Variants in ZNF766 observed in about 807,000 individuals in gnomAD.
ZNF766 encodes the protein zinc finger protein 766.
A neutral mutation model predicts 13.2 loss-of-function variants in ZNF766; 13 were observed. That is an observed-to-expected ratio of 0.98 (90% CI 0.64 to 1.56). The LOEUF (loss-of-function observed/expected upper bound fraction) is 1.56. Ranked by LOEUF, ZNF766 falls within the 40% of genes most tolerant of loss-of-function variation. ZNF766 has a pLI of 0.00. For synonymous variants in ZNF766, 178 were observed against 187.6 expected (o/e 0.95, Z 0.42); for missense variants, 521 against 552.2 (o/e 0.94, Z 0.57).
rs940732447 is a variant in ZNF766, at chr19:52,295,670, G to C, written c.*4472G>C. 1 of 152,118 alleles carries C rather than the reference G, an allele frequency of 6.6e-6. No individual in the cohort carries two copies. The highest frequency in any genetic ancestry group is 2.1e-4 in the South Asian group (1 of 4,828). The allele number at this position is 152,118 out of a possible 1,614,324, so 9.4% of individuals were successfully genotyped here. A position where few individuals can be genotyped will look rare whatever the true frequency, so the allele number is the denominator to read the frequency against. Reference sequence around the variant, plus strand: ...ATGCTTTCACTATATTAGAGGACTTGAAGTAACGTGAAGTGATTCCAACCC... The same window carrying C: ...ATGCTTTCACTATATTAGAGGACTTCAAGTAACGTGAAGTGATTCCAACCC... On this transcript the variant is annotated 3_prime_UTR_variant, in exon 4 of 4. Transcript: ENST00000439461.
intron 3 of ZNF766, among the ~76,000 whole-genome samples, chr19:52,285,708 T>C (rs1024359770): frequency 6.6e-6 from 1 of 152,186 alleles, no homozygotes; most frequent in African/African-American, 2.4e-5. Context: ...TCAGCATTCC[T>C]TCCCCCAGGG....
intron 3 of ZNF766, among the ~76,000 whole-genome samples, chr19:52,285,449 ATCT>A (rs1436701532): frequency 1.3e-5 from 2 of 152,168 alleles, no homozygotes; most frequent in Non-Finnish European, 2.9e-5. Context: ...CCACAATCCC[ATCT>A]TTGGGCCCAA....
At position 52,289,817 on chromosome 19, in the gene ZNF766, A is replaced by G. The variant is rs368649109; in HGVS notation, c.275-249A>G. The stretch of plus-strand genomic sequence containing the variant: ...AGATCGAGACCATCCTGGCTAACAC[A>G]GTGAAACCCCGTCTCTACTAAAAAT... On this transcript the variant is annotated intron_variant, in intron 3 of 3. Transcript: ENST00000439461. Among the ~76,000 whole-genome samples the G allele has an allele frequency of 1.3e-3, 197 of 152,114 alleles. 1 individual carries two copies. The highest frequency in any genetic ancestry group is 6.2e-3 in the East Asian group (32 of 5,130).
In ZNF766 at chr19:52,289,126, G is replaced by A. The variant is rs925867205; in HGVS notation, c.275-940G>A. ...CCACCTTGACCTCCCAAAGTGCTGG[G>A]ATTACAGGCGTGAGCCACCGCATGT... On this transcript the variant is annotated intron_variant, in intron 3 of 3. Coordinates refer to ENST00000439461, the MANE Select transcript of ZNF766 (RefSeq NM_001010851.3). 3.3e-5 allele frequency among the ~76,000 whole-genome samples: 5 copies of A among 150,406 alleles called. No homozygotes were observed. The East Asian group carries it at 5.9e-4, about 18-fold the overall frequency.
At chr19:52,269,676 C>T in intron 1 of ZNF766, 45 bp downstream of exon 1, 8 of 1,610,402 alleles carry the variant, frequency 5.0e-6, no homozygotes, top group Non-Finnish European at 6.8e-6. Flanking sequence ...TAGCGGTGCC[C>T]TCACGCTTCT....
chr19:52,294,498 A>G lies in ZNF766; in HGVS notation c.*3300A>G, dbSNP rs1982271716. On this transcript the variant is annotated 3_prime_UTR_variant, in exon 4 of 4. Transcript: ENST00000439461. ...CAGGGTAGACTTCCCCGGTTGGTCC[A>G]AATATGACTAGGGAATCGGCATAGG... 6.6e-6 allele frequency: 1 copy of G among 152,212 alleles called. No homozygotes were observed. Among genetic ancestry groups the G allele is most frequent in the African/African-American group, 2.4e-5 (1 of 41,442 alleles). 9.4% of individuals were successfully genotyped at this position (152,212 alleles called of 1,614,324 possible).
rs570634591 is a variant in ZNF766, at chr19:52,286,926, A to T, written c.275-3140A>T. Among the ~76,000 whole-genome samples the T allele has an allele frequency of 5.1e-4, 77 of 152,018 alleles. No homozygotes were observed. The South Asian group carries it at 0.016, about 31-fold the overall frequency. ...TCTCGGCCCACTGCAGCCTCTGCCT[A>T]CTGGGCTCAAGTGCTTCTCCTCCCT... is the stretch of plus-strand genomic sequence containing the variant. On this transcript the variant is annotated intron_variant, in intron 3 of 3. Transcript: ENST00000439461.
chr19:52,289,015 A>AT (rs1281274413), intron 3 of ZNF766, among the ~76,000 whole-genome samples: 1 of 150,198 alleles, frequency 6.7e-6, no homozygotes, highest in Non-Finnish European at 1.5e-5. Flanking sequence ...CACCTGGCTA[A>AT]TTTTTTTTAT....
intron 1 of ZNF766, chr19:52,274,794 C>A (rs1326096270): frequency 6.6e-6 from 1 of 151,202 alleles, no homozygotes; most frequent in Non-Finnish European, 1.5e-5. Flanking sequence ...CACTGCACTC[C>A]AGCCTGAGCG....
At position 52,283,325 on chromosome 19, in the gene ZNF766, G is replaced by A. The variant is rs1418505346; in HGVS notation, c.186G>A (p.Lys62=). ...LPDLSIISMM[K]QRTEPWTVEN... is the part of the protein sequence containing the mutation. The stretch of plus-strand genomic sequence containing the variant: ...ACCTGAGTATTATCTCCATGATGAA[G>A]CAAAGGACAGAGCCCTGGACTGTGG... The change falls in exon 3 of 4, where the codon AAG becomes AAA. Residue 62 remains lysine (K), a synonymous_variant. Transcript: ENST00000439461. 6.2e-7 allele frequency: 1 copy of A among 1,613,762 alleles called. No homozygotes were observed. The highest frequency in any genetic ancestry group is 8.5e-7 in the Non-Finnish European group (1 of 1,179,878).
intron 1 of ZNF766, chr19:52,277,489 A>G (rs1025802774): frequency 1.8e-5 from 28 of 1,571,356 alleles, no homozygotes; most frequent in Non-Finnish European, 2.2e-5. Flanking sequence ...ATGTTATGTG[A>G]AGGAGAAGCC....
rs2122496435 is a variant in ZNF766, at chr19:52,292,693, G to T, written c.*1495G>T. On this transcript the variant is annotated 3_prime_UTR_variant, in exon 4 of 4. Transcript: ENST00000439461. ...GCAACTGTTGGATTTTCTCATGTTT[G>T]GAACAATAAAGTTGAAATTTTCCAA... 1 of 152,456 alleles carries T rather than the reference G, an allele frequency of 6.6e-6. No individual in the cohort carries two copies. Among genetic ancestry groups the T allele is most frequent in the East Asian group, 1.9e-4 (1 of 5,192 alleles). 9.4% of individuals were successfully genotyped at this position (152,456 alleles called of 1,614,324 possible).
chr19:52,288,135 C>G, intron 3 of ZNF766: 1 of 323,000 alleles, frequency 3.1e-6, no homozygotes, highest in Non-Finnish European at 5.9e-6. Flanking sequence ...ATTCTCCTGC[C>G]TCAGCCTCCC....
At chr19:52,289,810 C>T (rs537143280) in intron 3 of ZNF766, among the ~76,000 whole-genome samples, 1 of 152,082 alleles carries the variant, frequency 6.6e-6, no homozygotes, top group Admixed American at 6.5e-5. Context: ...ACCATCCTGG[C>T]TAACACAGTG....
rs1189334710 is a variant in ZNF766 at position 52,295,917 on chromosome 19, T to C, written c.*4719T>C. The C allele has an allele frequency of 1.3e-5, 2 of 152,076 alleles. No homozygotes were observed. The highest frequency in any genetic ancestry group is 1.5e-5 in the Non-Finnish European group (1 of 68,026). The allele number at this position is 152,076 out of a possible 1,614,324, so 9.4% of individuals were successfully genotyped here. A position where few individuals can be genotyped will look rare whatever the true frequency, so the allele number is the denominator to read the frequency against. ...TTTTTTGCTTTTCTACATAATTGTTTGGATAATCTTGTCAGTATCTACGAA... is the reference window on the plus strand; with the variant it reads ...TTTTTTGCTTTTCTACATAATTGTTCGGATAATCTTGTCAGTATCTACGAA... On this transcript the variant is annotated 3_prime_UTR_variant, in exon 4 of 4. Coordinates refer to ENST00000439461, the MANE Select transcript of ZNF766 (RefSeq NM_001010851.3).
At chr19:52,277,570 T>C in intron 1 of ZNF766, 1 of 1,548,770 alleles carries the variant, frequency 6.5e-7, no homozygotes, top group Non-Finnish European at 8.7e-7. Flanking sequence ...TAGATTGTTC[T>C]GTTTCTTATT....
chr19:52,284,915 C>G (rs537124531), intron 3 of ZNF766: 1 of 152,206 alleles, frequency 6.6e-6, no homozygotes, highest in East Asian at 1.9e-4. Context: ...CGCACGTGTT[C>G]AGCATGTGGA....
At chr19:52,280,743 C>T (rs1981466827) in intron 1 of ZNF766, among the ~76,000 whole-genome samples, 1 of 151,926 alleles carries the variant, frequency 6.6e-6, no homozygotes, top group African/African-American at 2.4e-5. Flanking sequence ...CCGCCACACC[C>T]AGCTAATTAT....
chr19:52,278,605 T>C (rs1234552962), intron 1 of ZNF766, among the ~76,000 whole-genome samples: 1 of 152,124 alleles, frequency 6.6e-6, no homozygotes, highest in Non-Finnish European at 1.5e-5. Context: ...AGCTTCACCA[T>C]GGTGGCCAGG....
Sources: allele counts gnomAD v4.1 joint callset (sites outside exome capture counted in the v4.1 genomes callset), GRCh38; gene constraint gnomAD v4.1.1; transcripts MANE v1.5; gene names NCBI Gene and HGNC (gene_info 2026-07-23, HGNC 2026-07-21).